Variants in KCND3 observed in about 807,000 individuals in gnomAD.
KCND3 encodes the protein potassium voltage-gated channel subfamily D member 3.
KCND3 carries 9 observed loss-of-function variants against 51.1 expected under a neutral mutation model. The observed-to-expected ratio is 0.18, with a 90% CI of 0.11 to 0.31. KCND3 has a LOEUF of 0.31. Ranked by LOEUF, KCND3 falls within the 10% of genes least tolerant of loss-of-function variation. KCND3 has a pLI of 1.00. For missense variants in KCND3, 526 were observed against 903.8 expected, an observed-to-expected ratio of 0.58 and a Z score of 5.36; for synonymous variants, 349 against 368.0, an observed-to-expected ratio of 0.95 and a Z score of 0.59.
At chr1:111,803,420 A>C (rs1302363856) in intron 2 of KCND3, among the ~76,000 whole-genome samples, 2 of 152,150 alleles carry the variant, frequency 1.3e-5, no homozygotes, top group African/African-American at 4.8e-5. Context: ...CTGTGCTGAG[A>C]TATGCTAGGA....
At chr1:111,800,965 A>C (rs1055265253) in intron 2 of KCND3, among the ~76,000 whole-genome samples, 1 of 152,240 alleles carries the variant, frequency 6.6e-6, no homozygotes, top group African/African-American at 2.4e-5. Flanking sequence ...GTTCACAAGA[A>C]AGAGACATGA....
intron 2 of KCND3, among the ~76,000 whole-genome samples, chr1:111,844,679 T>G (rs1189236222): frequency 6.6e-6 from 1 of 152,170 alleles, no homozygotes; most frequent in Non-Finnish European, 1.5e-5. Flanking sequence ...CCTCTGATGT[T>G]CCACAGAAAA....
chr1:111,951,696 A>G (rs1330952667), intron 2 of KCND3, among the ~76,000 whole-genome samples: 1 of 152,226 alleles, frequency 6.6e-6, no homozygotes, highest in African/African-American at 2.4e-5. Context: ...GGGACAGACA[A>G]TAACCAAAAA....
intron 2 of KCND3, among the ~76,000 whole-genome samples, chr1:111,818,054 A>G (rs1054657972): frequency 1.3e-5 from 2 of 150,850 alleles, no homozygotes; most frequent in African/African-American, 4.9e-5. Flanking sequence ...ACACACACAC[A>G]CACACACACA....
chr1:111,985,788 C>T (rs1475358851), intron 1 of KCND3, among the ~76,000 whole-genome samples: 1 of 152,186 alleles, frequency 6.6e-6, no homozygotes, highest in Non-Finnish European at 1.5e-5. Flanking sequence ...TCACAGGTCC[C>T]TTCTCTCCCT....
At chr1:111,956,574 C>G (rs1673354906) in intron 2 of KCND3, among the ~76,000 whole-genome samples, 1 of 152,178 alleles carries the variant, frequency 6.6e-6, no homozygotes, top group South Asian at 2.1e-4. Context: ...TCGAGTCCCA[C>G]TTTTCTTTTT....
chr1:111,973,988 C>T (rs538397976), intron 2 of KCND3, among the ~76,000 whole-genome samples: 1 of 152,314 alleles, frequency 6.6e-6, no homozygotes, highest in East Asian at 1.9e-4. Context: ...TAATGACACT[C>T]ATTCGAGTCC....
At chr1:111,852,191 T>G (rs1015738723) in intron 2 of KCND3, among the ~76,000 whole-genome samples, 10 of 152,342 alleles carry the variant, frequency 6.6e-5, no homozygotes, top group African/African-American at 2.4e-4. Flanking sequence ...CTGAAAGCAC[T>G]TTTCTGGAAA....
At chr1:111,978,955 A>T (rs116487424) in intron 2 of KCND3, among the ~76,000 whole-genome samples, 1,614 of 152,296 alleles carry the variant, frequency 0.011, 26 homozygotes, top group African/African-American at 0.036. Flanking sequence ...CCCAGCAATG[A>T]CCTACACTAG....
chr1:111,933,423 G>T (rs554892212), intron 2 of KCND3, among the ~76,000 whole-genome samples: 1 of 152,314 alleles, frequency 6.6e-6, no homozygotes, highest in East Asian at 1.9e-4. Flanking sequence ...TTATAAAGGA[G>T]GTCAGGGGCA....
At chr1:111,864,972 A>G (rs1484873289) in intron 2 of KCND3, among the ~76,000 whole-genome samples, 1 of 152,186 alleles carries the variant, frequency 6.6e-6, no homozygotes, top group African/African-American at 2.4e-5. Flanking sequence ...CACAGGAAAC[A>G]GGAAACAGAC....
At chr1:111,958,579 A>G (rs1394734209) in intron 2 of KCND3, among the ~76,000 whole-genome samples, 1 of 152,246 alleles carries the variant, frequency 6.6e-6, no homozygotes, top group African/African-American at 2.4e-5. Context: ...ACACATCGCC[A>G]TTTAACCTCC....
intron 2 of KCND3, among the ~76,000 whole-genome samples, chr1:111,925,048 C>A (rs1477329911): frequency 1.3e-5 from 2 of 152,208 alleles, no homozygotes; most frequent in Non-Finnish European, 2.9e-5. Flanking sequence ...ATGCTTCAGA[C>A]CTCACCTCAA....
chr1:111,960,856 T>A (rs1235313996), intron 2 of KCND3, among the ~76,000 whole-genome samples: 1 of 152,148 alleles, frequency 6.6e-6, no homozygotes, highest in Non-Finnish European at 1.5e-5. Context: ...TAATTCTTCA[T>A]CAGGAGACCG....
intron 2 of KCND3, among the ~76,000 whole-genome samples, chr1:111,830,000 C>T (rs1368858239): frequency 6.6e-6 from 1 of 152,184 alleles, no homozygotes; most frequent in African/African-American, 2.4e-5. Flanking sequence ...TCTTCGGTGG[C>T]TATTGTTCCA....
At chr1:111,808,938 G>A (rs1350554218) in intron 2 of KCND3, among the ~76,000 whole-genome samples, 1 of 152,244 alleles carries the variant, frequency 6.6e-6, no homozygotes, top group Non-Finnish European at 1.5e-5. Context: ...GCAAGAGGGA[G>A]GGGACACCCT....
intron 2 of KCND3, among the ~76,000 whole-genome samples, chr1:111,945,543 C>T (rs531050153): frequency 2.0e-5 from 3 of 152,276 alleles, no homozygotes; most frequent in African/African-American, 4.8e-5. Flanking sequence ...CTGAGGCTCA[C>T]GGGGGAGCTT....
chr1:111,882,024 A>G (rs1196543508), intron 2 of KCND3, among the ~76,000 whole-genome samples: 2 of 152,110 alleles, frequency 1.3e-5, no homozygotes, highest in Admixed American at 1.3e-4. Flanking sequence ...AGAAATAGGA[A>G]TGGAGACCCA....
chr1:111,800,232 G>A (rs1313548913), intron 2 of KCND3, among the ~76,000 whole-genome samples: 4 of 109,464 alleles, frequency 3.7e-5, no homozygotes, highest in Admixed American at 1.0e-4. Flanking sequence ...CTGTTGATCT[G>A]TGACCTTACC....
Sources: allele counts gnomAD v4.1 joint callset (sites outside exome capture counted in the v4.1 genomes callset), GRCh38; gene constraint gnomAD v4.1.1; transcripts MANE v1.5; gene names NCBI Gene and HGNC (gene_info 2026-07-23, HGNC 2026-07-21).